Variants in RBFOX1 observed in about 807,000 individuals in gnomAD.
The protein encoded by RBFOX1 is RNA binding protein fox-1 homolog 1.
In RBFOX1, 8 loss-of-function variants were observed where a neutral mutation model predicts 57.7. That is an observed-to-expected ratio of 0.14 (90% CI 0.08 to 0.25). The LOEUF is 0.25. Ranked by LOEUF, RBFOX1 falls within the 10% of genes least tolerant of loss-of-function variation. The pLI is 1.00. For missense variants in RBFOX1, 611 were observed against 548.5 expected (o/e 1.11, Z -1.14); for synonymous variants, 326 against 222.4 (o/e 1.47, Z -4.15).
chr16:6,971,312 T>C (rs1196248769), intron 3 of RBFOX1, among the ~76,000 whole-genome samples: 1 of 152,132 alleles, frequency 6.6e-6, no homozygotes, highest in Non-Finnish European at 1.5e-5. Flanking sequence ...CGAGGACATG[T>C]CAGCCACAGA....
At chr16:6,400,290 T>C (rs1470892309) in intron 2 of RBFOX1, among the ~76,000 whole-genome samples, 1 of 152,196 alleles carries the variant, frequency 6.6e-6, no homozygotes, top group African/African-American at 2.4e-5. Flanking sequence ...GAGTCAGTAA[T>C]TATAACGTAC....
chr16:6,533,836 A>G (rs557451249), intron 2 of RBFOX1, among the ~76,000 whole-genome samples: 2 of 152,346 alleles, frequency 1.3e-5, no homozygotes, highest in African/African-American at 2.4e-5. Flanking sequence ...TTTCCCAGAT[A>G]AAACACAGTA....
At chr16:5,472,554 G>T (rs2069175122) in intron 2 of RBFOX1, among the ~76,000 whole-genome samples, 1 of 152,100 alleles carries the variant, frequency 6.6e-6, no homozygotes, top group Admixed American at 6.6e-5. Flanking sequence ...GAGGGTCCGT[G>T]TGCATGCTGG....
chr16:6,828,225 C>T (rs1293749791), intron 3 of RBFOX1, among the ~76,000 whole-genome samples: 1 of 152,050 alleles, frequency 6.6e-6, no homozygotes, highest in Non-Finnish European at 1.5e-5. Flanking sequence ...CAGGTAGTCA[C>T]AGCATAGTAA....
chr16:7,074,758 T>A (rs575915594), intron 4 of RBFOX1, among the ~76,000 whole-genome samples: 2 of 152,230 alleles, frequency 1.3e-5, no homozygotes, highest in African/African-American at 2.4e-5. Context: ...TAAGAAAAAA[T>A]TATACCTGAA....
Position 5,870,392 on chromosome 16 carries a change from AT to A in RBFOX1, c.351+3058del, listed in dbSNP as rs369394723. Among the ~76,000 whole-genome samples the A allele has an allele frequency of 9.2e-3, 1,279 of 139,146 alleles. 28 individuals are homozygous for A. The highest frequency in any genetic ancestry group is 0.032 in the African/African-American group (1,164 of 36,000). The allele number at this position is 139,146 out of a possible 152,430, so 91.3% of individuals were successfully genotyped here. On this transcript the variant is annotated intron_variant, in intron 4 of 19. Coordinates refer to the RBFOX1 transcript ENST00000641259. ...GTATGGCAAAAAAAAAAAAAAAAAA[AT>A]GAAGGCACTTGGCAAGAAAAAAGAG...
chr16:7,230,241 C>T (rs557983075), intron 4 of RBFOX1, among the ~76,000 whole-genome samples: 1 of 151,832 alleles, frequency 6.6e-6, no homozygotes, highest in Non-Finnish European at 1.5e-5. Flanking sequence ...GAAATGATGA[C>T]TAGTAAAAAC....
At chr16:7,311,809 GTT>G (rs1244628674) in intron 4 of RBFOX1, among the ~76,000 whole-genome samples, 1 of 152,062 alleles carries the variant, frequency 6.6e-6, no homozygotes, top group Non-Finnish European at 1.5e-5. Context: ...AAAAGTACAG[GTT>G]TTTTTGAAAA....
intron 2 of RBFOX1, among the ~76,000 whole-genome samples, chr16:5,568,599 C>T (rs1182619839): frequency 6.6e-6 from 1 of 152,150 alleles, no homozygotes; most frequent in Admixed American, 6.5e-5. Flanking sequence ...ATCACTCTGT[C>T]TTCTGTTGTC....
At chr16:5,299,363 A>G (rs1271301142) in intron 1 of RBFOX1, among the ~76,000 whole-genome samples, 1 of 152,190 alleles carries the variant, frequency 6.6e-6, no homozygotes, top group Non-Finnish European at 1.5e-5. Context: ...ATTTGTTTCC[A>G]GTTTTGCTTA....
chr16:5,486,707 C>G (rs993440548), intron 2 of RBFOX1, among the ~76,000 whole-genome samples: 3 of 152,144 alleles, frequency 2.0e-5, no homozygotes, highest in Non-Finnish European at 2.9e-5. Context: ...TTGAATCACC[C>G]CTGGGAGATG....
intron 3 of RBFOX1, among the ~76,000 whole-genome samples, chr16:6,740,455 C>T (rs2071714944): frequency 6.6e-6 from 1 of 152,060 alleles, no homozygotes; most frequent in Non-Finnish European, 1.5e-5. Context: ...TAAAACTATC[C>T]TTATTAGTGG....
intron 2 of RBFOX1, among the ~76,000 whole-genome samples, chr16:6,423,438 A>C (rs2093832043): frequency 6.6e-6 from 1 of 152,016 alleles, no homozygotes. Context: ...GTCTCTACTA[A>C]AAATACAAAA....
At chr16:7,104,281 C>G (rs1161556131) in intron 4 of RBFOX1, among the ~76,000 whole-genome samples, 2 of 152,108 alleles carry the variant, frequency 1.3e-5, no homozygotes, top group African/African-American at 4.8e-5. Flanking sequence ...CACACCCATT[C>G]ACTGGAATTG....
At chr16:7,146,597 A>G (rs756833817) in intron 4 of RBFOX1, among the ~76,000 whole-genome samples, 2 of 152,160 alleles carry the variant, frequency 1.3e-5, no homozygotes, top group Non-Finnish European at 1.5e-5. Flanking sequence ...GAATAAGCTT[A>G]TGATACCCAG....
intron 4 of RBFOX1, among the ~76,000 whole-genome samples, chr16:6,007,452 G>A (rs1219852235): frequency 1.3e-5 from 2 of 152,178 alleles, no homozygotes; most frequent in Admixed American, 1.3e-4. Context: ...CTTCAGTCAG[G>A]TCTTGAGATG....
chr16:5,829,840 C>G (rs1437688014), intron 3 of RBFOX1, among the ~76,000 whole-genome samples: 2 of 152,140 alleles, frequency 1.3e-5, no homozygotes, highest in Non-Finnish European at 2.9e-5. Context: ...TGGAAAAGCC[C>G]TCAGTCATTC....
chr16:7,323,203 C>G (rs192242432), intron 4 of RBFOX1, among the ~76,000 whole-genome samples: 2 of 152,110 alleles, frequency 1.3e-5, no homozygotes, highest in Admixed American at 1.3e-4. Flanking sequence ...TTGGGAGGAT[C>G]ACTTGATCCC....
At chr16:7,537,124 C>T (rs962667960) in intron 5 of RBFOX1, among the ~76,000 whole-genome samples, 1 of 152,162 alleles carries the variant, frequency 6.6e-6, no homozygotes, top group Admixed American at 6.5e-5. Flanking sequence ...ATCTGACCAC[C>T]ATGTGGACAG....
Sources: gnomAD v4.1 joint callset for allele counts (sites outside exome capture counted in the v4.1 genomes callset) on GRCh38, gnomAD v4.1.1 for gene constraint, MANE v1.5 for transcripts, NCBI Gene and HGNC (gene_info 2026-07-23, HGNC 2026-07-21) for gene names.